The following ASCC3 variants were observed in gnomAD, a reference collection of about 807,000 sequenced individuals.
ASCC3 encodes ASC-1 complex subunit P200.
Under a neutral mutation model 256.3 loss-of-function variants are expected in ASCC3, and 158 were observed. That is an observed-to-expected ratio of 0.62 (90% CI 0.54 to 0.70). The LOEUF (loss-of-function observed/expected upper bound fraction) is 0.70. Ranked by LOEUF, ASCC3 falls within the 30% of genes least tolerant of loss-of-function variation. The probability of loss-of-function intolerance (pLI) is 0.00; values close to 1 mark genes in which losing one functional copy is unlikely to be tolerated. For missense variants in ASCC3, 2,259 were observed against 2,626.0 expected, an observed-to-expected ratio of 0.86 and a Z score of 3.05; for synonymous variants, 948 against 883.4, an observed-to-expected ratio of 1.07 and a Z score of -1.30.
At chr6:100,766,162 C>A (rs2115129070) in intron 10 of ASCC3, among the ~76,000 whole-genome samples, 1 of 152,094 alleles carries the variant, frequency 6.6e-6, no homozygotes, top group African/African-American at 2.4e-5. Flanking sequence ...TAATGAATGA[C>A]CAAAAAGCTT....
intron 2 of ASCC3, among the ~76,000 whole-genome samples, chr6:100,866,725 T>A (rs1272218615): frequency 6.6e-6 from 1 of 152,178 alleles, no homozygotes; most frequent in East Asian, 1.9e-4. Flanking sequence ...GCTGCCTTAC[T>A]TGCAAGCCAC....
At position 100,605,497 on chromosome 6, in the gene ASCC3, T is replaced by A. The variant is rs562780444; in HGVS notation, c.5177+71A>T. 2.2e-5 allele frequency: 26 copies of A among 1,166,048 alleles called. No homozygotes were observed. The African/African-American group carries it at 3.3e-4, about 15-fold the overall frequency. 72.2% of individuals were successfully genotyped at this position (1,166,048 alleles called of 1,614,324 possible). On this transcript the variant is annotated intron_variant, in intron 33 of 41. Transcript: ENST00000369162. ...ACCTGTTTTACTGATTTTTATATAA[T>A]AAAATATAACCAGAAAAACACCAAC... is the stretch of plus-strand genomic sequence containing the variant.
At chr6:100,598,465 T>A (rs1286544848) in intron 34 of ASCC3, among the ~76,000 whole-genome samples, 1 of 136,742 alleles carries the variant, frequency 7.3e-6, no homozygotes, top group Non-Finnish European at 1.6e-5. Flanking sequence ...TCACTATAAT[T>A]TCTGTAATTA....
chr6:100,822,647 T>C (rs1268860101), intron 4 of ASCC3, among the ~76,000 whole-genome samples: 3 of 152,072 alleles, frequency 2.0e-5, no homozygotes, highest in Non-Finnish European at 4.4e-5. Flanking sequence ...TTAAGACCGG[T>C]ACTAAAGAAC....
intron 16 of ASCC3, among the ~76,000 whole-genome samples, chr6:100,659,544 G>GA (rs1356179306): frequency 2.0e-5 from 3 of 151,428 alleles, no homozygotes; most frequent in Non-Finnish European, 4.4e-5. Context: ...TGACATTCCT[G>GA]AAAATCACAC....
At chr6:100,786,603 T>C (rs563155336) in intron 8 of ASCC3, among the ~76,000 whole-genome samples, 22 of 152,288 alleles carry the variant, frequency 1.4e-4, no homozygotes, top group Middle Eastern at 3.4e-3. Context: ...CTGAAACCAA[T>C]TATTACCATA....
At chr6:100,515,899 A>G (rs1774000334) in intron 39 of ASCC3, among the ~76,000 whole-genome samples, 2 of 152,166 alleles carry the variant, frequency 1.3e-5, no homozygotes, top group African/African-American at 4.8e-5. Context: ...CAATACCACT[A>G]TTAATTACTA....
intron 30 of ASCC3, among the ~76,000 whole-genome samples, chr6:100,622,176 GAC>G (rs1773984050): frequency 6.6e-6 from 1 of 152,038 alleles, no homozygotes; most frequent in African/African-American, 2.4e-5. Flanking sequence ...AAACCACCAT[GAC>G]ACATGTTCAC....
intron 30 of ASCC3, among the ~76,000 whole-genome samples, chr6:100,617,818 A>G: frequency 6.6e-6 from 1 of 152,056 alleles, no homozygotes; most frequent in Non-Finnish European, 1.5e-5. Context: ...CTCATTTTCT[A>G]TCTCAGCTCG....
At chr6:100,677,077 C>T (rs1777062148) in intron 14 of ASCC3, among the ~76,000 whole-genome samples, 1 of 151,878 alleles carries the variant, frequency 6.6e-6, no homozygotes, top group African/African-American at 2.4e-5. Context: ...GAAATGTCTC[C>T]CACCATGATG....
chr6:100,833,386 C>T (rs1771714545), intron 4 of ASCC3, among the ~76,000 whole-genome samples: 1 of 152,056 alleles, frequency 6.6e-6, no homozygotes. Context: ...AGATACATAC[C>T]AGTATACATT....
chr6:100,710,681 A>T (rs750068709), intron 13 of ASCC3, among the ~76,000 whole-genome samples: 4 of 152,094 alleles, frequency 2.6e-5, no homozygotes, highest in Non-Finnish European at 5.9e-5. Context: ...GATAGAGAGG[A>T]AAGTTCTCCT....
At chr6:100,619,991 A>G (rs1773863578) in intron 30 of ASCC3, among the ~76,000 whole-genome samples, 1 of 152,132 alleles carries the variant, frequency 6.6e-6, no homozygotes, top group Non-Finnish European at 1.5e-5. Context: ...TTGCATTGCT[A>G]GAAAAAAAAT....
rs1769695372 is a variant in ASCC3, at chr6:100,797,611, G to A, written c.1395+1102C>T. On this transcript the variant is annotated intron_variant, in intron 8 of 41. Transcript: ENST00000369162. ...TTATAATTGTTTAGTTTTATTGGCT[G>A]TCAGTCCTGGCTGTATTGTAGAATC... Among the ~76,000 whole-genome samples the A allele has an allele frequency of 2.0e-5, 3 of 151,832 alleles. No individual in the cohort carries two copies. The South Asian group carries it at 6.2e-4, about 32-fold the overall frequency.
At chr6:100,713,893 T>C (rs1778976736) in intron 13 of ASCC3, among the ~76,000 whole-genome samples, 1 of 152,192 alleles carries the variant, frequency 6.6e-6, no homozygotes, top group Non-Finnish European at 1.5e-5. Context: ...AACATCTAGC[T>C]ACTTACACTG....
At chr6:100,515,646 C>T (rs1676184968) in intron 39 of ASCC3, among the ~76,000 whole-genome samples, 1 of 152,130 alleles carries the variant, frequency 6.6e-6, no homozygotes, top group African/African-American at 2.4e-5. Context: ...GGTTCACTCA[C>T]ACACATAGTT....
chr6:100,650,151 C>A (rs1388805578), intron 20 of ASCC3, among the ~76,000 whole-genome samples: 2 of 150,804 alleles, frequency 1.3e-5, no homozygotes, highest in Non-Finnish European at 3.0e-5. Flanking sequence ...TGGTAAAAAT[C>A]TAAAAAAGTT....
intron 39 of ASCC3, among the ~76,000 whole-genome samples, chr6:100,513,910 CT>C (rs567213049): frequency 1.3e-3 from 177 of 140,396 alleles, no homozygotes; most frequent in African/African-American, 1.5e-3. Flanking sequence ...AATACATTGG[CT>C]TTTTTTTTTT....
At chr6:100,601,260 G>T (rs571679003) in intron 34 of ASCC3, among the ~76,000 whole-genome samples, 2 of 151,972 alleles carry the variant, frequency 1.3e-5, no homozygotes, top group African/African-American at 4.8e-5. Context: ...CCACACTAAA[G>T]ATCAGCCCTT....
Sources: allele counts gnomAD v4.1 joint callset (sites outside exome capture counted in the v4.1 genomes callset), GRCh38; gene constraint gnomAD v4.1.1; transcripts MANE v1.5; gene names NCBI Gene and HGNC (gene_info 2026-07-23, HGNC 2026-07-21).